Variants in SLX4IP observed in about 807,000 individuals in gnomAD.
SLX4IP encodes protein SLX4IP.
SLX4IP carries 34 observed loss-of-function variants against 32.9 expected under a neutral mutation model. That is an observed-to-expected ratio of 1.03 (90% CI 0.79 to 1.38). The LOEUF (loss-of-function observed/expected upper bound fraction) is 1.38. Ranked by LOEUF, SLX4IP falls within the 40% of genes most tolerant of loss-of-function variation. SLX4IP has a pLI of 0.00. For missense variants in SLX4IP, 444 were observed against 479.0 expected, an observed-to-expected ratio of 0.93 and a Z score of 0.68; for synonymous variants, 172 against 171.7, an observed-to-expected ratio of 1.00 and a Z score of -0.01.
At chr20:10,574,590 A>T (rs1049696549) in intron 4 of SLX4IP, among the ~76,000 whole-genome samples, 5 of 152,108 alleles carry the variant, frequency 3.3e-5, no homozygotes, top group African/African-American at 1.2e-4. Context: ...CTTTCGGCAT[A>T]TCTGGGAACT....
intron 6 of SLX4IP, among the ~76,000 whole-genome samples, chr20:10,614,897 C>T (rs917697163): frequency 5.9e-5 from 9 of 152,126 alleles, no homozygotes; most frequent in Non-Finnish European, 7.4e-5. Flanking sequence ...ATTTAAAATA[C>T]GGCAAGTCAG....
chr20:10,440,761 T>C (rs947001169), intron 1 of SLX4IP, among the ~76,000 whole-genome samples: 3 of 151,728 alleles, frequency 2.0e-5, no homozygotes, highest in South Asian at 2.1e-4. Context: ...TTATCAGAAC[T>C]TTTTTTTTCT....
intron 2 of SLX4IP, among the ~76,000 whole-genome samples, chr20:10,506,850 G>A (rs1381960634): frequency 6.6e-6 from 1 of 152,198 alleles, no homozygotes; most frequent in Non-Finnish European, 1.5e-5. Context: ...CGGACAGGCT[G>A]CAATTTTATT....
intron 5 of SLX4IP, among the ~76,000 whole-genome samples, chr20:10,601,449 A>G (rs921863046): frequency 2.0e-5 from 3 of 152,178 alleles, no homozygotes; most frequent in Non-Finnish European, 4.4e-5. Context: ...GCTGACTGAC[A>G]CAGAGGGGAG....
intron 1 of SLX4IP, among the ~76,000 whole-genome samples, chr20:10,454,168 C>T (rs925478705): frequency 6.6e-6 from 1 of 151,902 alleles, no homozygotes; most frequent in African/African-American, 2.4e-5. Context: ...TAGGTGATTC[C>T]TGCTTGTTTA....
At chr20:10,619,216 T>G (rs567506579) in intron 6 of SLX4IP, among the ~76,000 whole-genome samples, 3 of 149,778 alleles carry the variant, frequency 2.0e-5, no homozygotes, top group African/African-American at 4.9e-5. Flanking sequence ...TCTTTTTTTT[T>G]CTTTTTTTTT....
Position 10,518,502 on chromosome 20 carries a change from C to CT in SLX4IP, c.28-37727dup, listed in dbSNP as rs369907091. 1.8e-3 allele frequency among the ~76,000 whole-genome samples: 108 copies of CT among 58,432 alleles called. 1 individual carries two copies. The highest frequency in any genetic ancestry group is 0.016 in the Middle Eastern group (2 of 124). 38.3% of individuals were successfully genotyped at this position (58,432 alleles called of 152,430 possible). ...CCTTTCCTTTCCTTTTCCTTCCTTC[C>CT]TTCCTTCCTTCCTTCCTTCCTTCCT... On this transcript the variant is annotated intron_variant, in intron 2 of 7. Transcript: ENST00000334534.
intron 2 of SLX4IP, among the ~76,000 whole-genome samples, chr20:10,510,637 G>C (rs1018930306): frequency 6.8e-6 from 1 of 147,394 alleles, no homozygotes; most frequent in Non-Finnish European, 1.5e-5. Context: ...ATGCAGTCTC[G>C]CTCTGTCACC....
chr20:10,507,028 C>T (rs2065765624), intron 2 of SLX4IP, among the ~76,000 whole-genome samples: 1 of 152,112 alleles, frequency 6.6e-6, no homozygotes, highest in Non-Finnish European at 1.5e-5. Context: ...TGTGGTGGGG[C>T]GGTGAGAACA....
intron 2 of SLX4IP, among the ~76,000 whole-genome samples, chr20:10,510,323 A>G (rs1026438032): frequency 3.3e-5 from 5 of 152,212 alleles, no homozygotes; most frequent in African/African-American, 1.2e-4. Context: ...TTCAGACTGA[A>G]CAAATGATCC....
intron 2 of SLX4IP, among the ~76,000 whole-genome samples, chr20:10,529,764 T>C (rs2065971932): frequency 6.6e-6 from 1 of 152,150 alleles, no homozygotes. Flanking sequence ...TGTTCAATTC[T>C]AGTCCACCTG....
At chr20:10,578,387 G>A (rs931133417) in intron 4 of SLX4IP, among the ~76,000 whole-genome samples, 6 of 152,056 alleles carry the variant, frequency 3.9e-5, no homozygotes, top group African/African-American at 4.8e-5. Context: ...TTCAAGATTC[G>A]TTCATTTTAT....
chr20:10,517,761 C>G (rs2065862319), intron 2 of SLX4IP, among the ~76,000 whole-genome samples: 1 of 152,120 alleles, frequency 6.6e-6, no homozygotes, highest in African/African-American at 2.4e-5. Context: ...GAGAAGCGAC[C>G]TGGGCTGGTG....
At chr20:10,500,563 C>T (rs2065709408) in intron 2 of SLX4IP, among the ~76,000 whole-genome samples, 1 of 151,920 alleles carries the variant, frequency 6.6e-6, no homozygotes, top group South Asian at 2.1e-4. Context: ...CCAGCCTGGG[C>T]AACATAGCAA....
rs116126374 is a variant in SLX4IP at position 10,484,961 on chromosome 20, A to T, written c.27+26730A>T. 6.0e-3 allele frequency among the ~76,000 whole-genome samples: 914 copies of T among 152,248 alleles called. 9 individuals carry two copies. The highest frequency in any genetic ancestry group is 0.021 in the African/African-American group (866 of 41,552). ...GGAGAGTGCACTCAGAAATGAAGGT[A>T]GAAATGAAGATGGCTTGAATGGGGG... On this transcript the variant is annotated intron_variant, in intron 2 of 7. Transcript: ENST00000334534.
chr20:10,449,445 C>T lies in SLX4IP; in HGVS notation c.-29-8731C>T, dbSNP rs73896557. ...GCGTGAGGCAGAGGGAAGAAGGTCA[C>T]ACCTACCCTGACAGCCCAATTAGTC... On this transcript the variant is annotated intron_variant, in intron 1 of 7. Coordinates refer to ENST00000334534, the MANE Select transcript of SLX4IP (RefSeq NM_001009608.3). Among the ~76,000 whole-genome samples, 679 of 152,298 alleles carry T rather than the reference C, an allele frequency of 4.5e-3. 7 individuals carry two copies. Among genetic ancestry groups the T allele is most frequent in the African/African-American group, 0.015 (644 of 41,574 alleles).
chr20:10,562,283 T>C (rs1196961246), intron 4 of SLX4IP, among the ~76,000 whole-genome samples: 1 of 151,950 alleles, frequency 6.6e-6, no homozygotes. Flanking sequence ...TTTTACTGAG[T>C]GGAGGTGGCT....
At position 10,624,338 on chromosome 20, in the gene SLX4IP, C is replaced by G. The variant is rs1326283535; in HGVS notation, c.*959C>G. On this transcript the variant is annotated 3_prime_UTR_variant, in exon 8 of 8. Transcript: ENST00000334534. The stretch of plus-strand genomic sequence containing the variant: ...CTAACAGGAACTCAGTGACCAGGTT[C>G]CAGTTTCCCAGTTGGAAGGCTTCGC... 1.3e-5 allele frequency: 2 copies of G among 152,206 alleles called. No individual in the cohort carries two copies. Among genetic ancestry groups the G allele is most frequent in the African/African-American group, 2.4e-5 (1 of 41,456 alleles). 9.4% of individuals were successfully genotyped at this position (152,206 alleles called of 1,614,324 possible).
chr20:10,441,385 C>A (rs1173487265), intron 1 of SLX4IP, among the ~76,000 whole-genome samples: 2 of 152,056 alleles, frequency 1.3e-5, no homozygotes, highest in Non-Finnish European at 1.5e-5. Context: ...TTCAGTGAGC[C>A]GTGATCACGC....
Sources: allele counts gnomAD v4.1 joint callset (sites outside exome capture counted in the v4.1 genomes callset), GRCh38; gene constraint gnomAD v4.1.1; transcripts MANE v1.5; gene names NCBI Gene and HGNC (gene_info 2026-07-23, HGNC 2026-07-21).